Variants in DLGAP2 observed in about 807,000 individuals in gnomAD.
DLGAP2 encodes the protein disks large-associated protein 2.
Under a neutral mutation model 100.3 loss-of-function variants are expected in DLGAP2, and 26 were observed. The ratio of observed to expected loss-of-function variants is 0.26; its 90% CI spans 0.19 to 0.36. The LOEUF is 0.36. DLGAP2 is among the 10% of genes least tolerant of loss of function. The pLI is 1.00. For missense variants in DLGAP2, 1,858 were observed against 1,453.2 expected (o/e 1.28, Z -4.53); for synonymous variants, 886 against 630.1 (o/e 1.41, Z -6.08).
chr8:1,565,420 A>T (rs577997176), intron 5 of DLGAP2: 3 of 380,316 alleles, frequency 7.9e-6, no homozygotes, highest in African/African-American at 2.1e-5. Flanking sequence ...CTGAGATTGC[A>T]AGTGTCCCTT....
Position 976,364 on chromosome 8 carries a change from C to T in DLGAP2, c.73+68398C>T, listed in dbSNP as rs111328997. On this transcript the variant is annotated intron_variant, in intron 2 of 14. Transcript: ENST00000637795. ...TGATGGTTCAAGCGTGTAATCCTAG[C>T]ACTTTGGGAGATCGAGGCGGGCGGA... is the stretch of plus-strand genomic sequence containing the variant. Among the ~76,000 whole-genome samples, 1,167 of 152,192 alleles carry T rather than the reference C, an allele frequency of 7.7e-3. 18 individuals carry two copies. Among genetic ancestry groups the T allele is most frequent in the African/African-American group, 0.027 (1,114 of 41,528 alleles).
intron 2 of DLGAP2, among the ~76,000 whole-genome samples, chr8:1,108,620 G>A (rs916145713): frequency 2.7e-5 from 4 of 148,842 alleles, no homozygotes; most frequent in Non-Finnish European, 5.9e-5. Flanking sequence ...AGGTGTGCAC[G>A]TGCCTATGAT....
intron 1 of DLGAP2, among the ~76,000 whole-genome samples, chr8:840,625 G>A (rs1317574967): frequency 2.0e-5 from 2 of 102,350 alleles, no homozygotes; most frequent in African/African-American, 6.4e-5. Context: ...CGTCCACACG[G>A]TGCACGCCTG....
At chr8:1,216,352 A>G (rs1408529538) in intron 2 of DLGAP2, among the ~76,000 whole-genome samples, 1 of 151,924 alleles carries the variant, frequency 6.6e-6, no homozygotes, top group African/African-American at 2.4e-5. Context: ...CTCTGTCCTA[A>G]TTGTTTTTTT....
chr8:1,204,466 C>A (rs113285321), intron 2 of DLGAP2, among the ~76,000 whole-genome samples: 1 of 152,178 alleles, frequency 6.6e-6, no homozygotes, highest in African/African-American at 2.4e-5. Context: ...CGTGTGTGGT[C>A]TTGAGCAACT....
At chr8:1,021,473 C>G (rs1801621355) in intron 2 of DLGAP2, among the ~76,000 whole-genome samples, 1 of 152,142 alleles carries the variant, frequency 6.6e-6, no homozygotes, top group South Asian at 2.1e-4. Flanking sequence ...CCATGTTGAG[C>G]TCAGCTAGCA....
At chr8:1,454,967 C>A (rs1563159588) in intron 3 of DLGAP2, among the ~76,000 whole-genome samples, 2 of 152,176 alleles carry the variant, frequency 1.3e-5, no homozygotes, top group African/African-American at 4.8e-5. Flanking sequence ...CCCCCAGTTT[C>A]CACACATTCA....
intron 2 of DLGAP2, 123 bp from the exon 3 acceptor site, chr8:1,258,728 C>T (rs758350663): frequency 3.7e-6 from 3 of 816,250 alleles, no homozygotes; most frequent in Non-Finnish European, 4.9e-6. Flanking sequence ...GGTCCACTGG[C>T]TCTGGTGTGG....
At position 1,032,845 on chromosome 8, in the gene DLGAP2, C is replaced by T. The variant is rs533717543; in HGVS notation, c.73+124879C>T. ...AGGAATGACAGCATTAAGGCATGGA[C>T]GTTAAAGATGGACAAAAGAATTGTT... On this transcript the variant is annotated intron_variant, in intron 2 of 14. Transcript: ENST00000637795. 15 of 152,170 alleles carry T rather than the reference C, an allele frequency of 9.9e-5. No homozygotes were observed. The South Asian group carries it at 1.0e-3, about 11-fold the overall frequency. 9.4% of individuals were successfully genotyped at this position (152,170 alleles called of 1,614,324 possible).
chr8:746,574 A>G (rs1820623296), intron 1 of DLGAP2, among the ~76,000 whole-genome samples: 1 of 152,216 alleles, frequency 6.6e-6, no homozygotes, highest in Admixed American at 6.5e-5. Context: ...CCTGCACCTG[A>G]CACCTTGCTG....
chr8:1,443,524 C>T (rs1403367951), intron 3 of DLGAP2, among the ~76,000 whole-genome samples: 1 of 152,104 alleles, frequency 6.6e-6, no homozygotes, highest in African/African-American at 2.4e-5. Flanking sequence ...CTGTTCTCAC[C>T]CTGCTAATAA....
rs372977425 is a variant in DLGAP2 at position 1,678,463 on chromosome 8, C to T, written c.2538C>T (p.Asp846=). ...QVDTSTLPPP[D]PWLEPAIDTV... is the part of the protein sequence containing the mutation. The stretch of plus-strand genomic sequence containing the variant: ...ACACCTCCACCCTGCCCCCTCCAGA[C>T]CCCTGGCTGGAGCCCGCCATCGACA... The change falls in exon 12 of 15, where the codon GAC becomes GAT. Residue 846 remains aspartate (D), a synonymous_variant. Transcript: ENST00000637795. 2.5e-6 allele frequency: 4 copies of T among 1,613,294 alleles called. No individual in the cohort carries two copies. In the African/African-American group the frequency reaches 4.0e-5, roughly 16 times the overall value.
intron 6 of DLGAP2, among the ~76,000 whole-genome samples, chr8:1,622,604 C>A (rs1797374294): frequency 6.6e-6 from 1 of 152,210 alleles, no homozygotes; most frequent in Non-Finnish European, 1.5e-5. Flanking sequence ...GTTATGGATT[C>A]ACTTGCACAG....
At position 1,363,464 on chromosome 8, in the gene DLGAP2, C is replaced by G. The variant is rs532480495; in HGVS notation, c.106+104581C>G. ...AGCCCTCCGTCCCCCACACGCGTTT[C>G]CTCCACCACCCAGTGATGGCCTTGT... On this transcript the variant is annotated intron_variant, in intron 3 of 14. Transcript: ENST00000637795. 1.5e-3 allele frequency among the ~76,000 whole-genome samples: 223 copies of G among 152,348 alleles called. 1 individual carries two copies. The highest frequency in any genetic ancestry group is 3.8e-4 in the Non-Finnish European group (26 of 68,038).
At chr8:1,425,257 T>TCA (rs1797206548) in intron 3 of DLGAP2, among the ~76,000 whole-genome samples, 1 of 152,210 alleles carries the variant, frequency 6.6e-6, no homozygotes, top group Non-Finnish European at 1.5e-5. Context: ...TCTGTCTGTA[T>TCA]TTTAAAGAAT....
chr8:1,386,458 AG>A (rs1251170882), intron 3 of DLGAP2, among the ~76,000 whole-genome samples: 1 of 152,214 alleles, frequency 6.6e-6, no homozygotes, highest in African/African-American at 2.4e-5. Context: ...CCAGAGCGGC[AG>A]GGACAGCTGG....
chr8:762,824 C>A (rs554491315), intron 1 of DLGAP2, among the ~76,000 whole-genome samples: 72 of 152,150 alleles, frequency 4.7e-4, no homozygotes, highest in Admixed American at 1.6e-3. Flanking sequence ...ATCACAGGTA[C>A]ACACCACTAC....
At chr8:1,199,963 C>T (rs1797835078) in intron 2 of DLGAP2, among the ~76,000 whole-genome samples, 1 of 151,372 alleles carries the variant, frequency 6.6e-6, no homozygotes, top group Admixed American at 6.6e-5. Flanking sequence ...CCGCAGAGGC[C>T]GGGTCTCAGC....
intron 1 of DLGAP2, among the ~76,000 whole-genome samples, chr8:770,476 T>C (rs1399432127): frequency 1.3e-5 from 2 of 152,166 alleles, no homozygotes; most frequent in African/African-American, 4.8e-5. Context: ...TGAAGATACA[T>C]GTTGTTCACT....
Sources: gnomAD v4.1 joint callset for allele counts (sites outside exome capture counted in the v4.1 genomes callset) on GRCh38, gnomAD v4.1.1 for gene constraint, MANE v1.5 for transcripts, NCBI Gene and HGNC (gene_info 2026-07-23, HGNC 2026-07-21) for gene names.